The following SCHIP1 variants were observed in gnomAD, a reference collection of about 807,000 sequenced individuals.
SCHIP1 encodes the protein schwannomin interacting protein 1.
Under a neutral mutation model 29.7 loss-of-function variants are expected in SCHIP1, and 8 were observed. The observed-to-expected ratio is 0.27, with a 90% CI of 0.16 to 0.49. The LOEUF is 0.49. Ranked by LOEUF, SCHIP1 falls within the 20% of genes least tolerant of loss-of-function variation. SCHIP1 has a pLI of 0.99. For synonymous variants in SCHIP1, 76 were observed against 94.9 expected (o/e 0.80, Z 1.16); for missense variants, 193 against 294.6 (o/e 0.66, Z 2.52).
chr3:159,623,932 C>T, the SCHIP1 span, among the ~76,000 whole-genome samples: 1 of 152,178 alleles, frequency 6.6e-6, no homozygotes, highest in African/African-American at 2.4e-5. Flanking sequence ...CCTACTCCCA[C>T]TGCCTTCCAC....
the SCHIP1 span, among the ~76,000 whole-genome samples, chr3:159,775,143 A>G: frequency 4.1e-4 from 63 of 152,324 alleles, no homozygotes; most frequent in African/African-American, 1.4e-3. Flanking sequence ...AGAGGGTTTT[A>G]TTGCCCATGT....
At chr3:159,537,868 G>C in the SCHIP1 span, among the ~76,000 whole-genome samples, 1 of 151,974 alleles carries the variant, frequency 6.6e-6, no homozygotes, top group Non-Finnish European at 1.5e-5. Flanking sequence ...ATAAACAGTA[G>C]AAAAAAATAT....
At chr3:159,531,010 C>A in the SCHIP1 span, among the ~76,000 whole-genome samples, 1 of 152,202 alleles carries the variant, frequency 6.6e-6, no homozygotes, top group African/African-American at 2.4e-5. Flanking sequence ...TGCCATCATC[C>A]AGAGCCTCAT....
chr3:159,653,635 C>T, the SCHIP1 span, among the ~76,000 whole-genome samples: 1 of 151,338 alleles, frequency 6.6e-6, no homozygotes. Flanking sequence ...ATACCTAATG[C>T]ATGAAGGGCT....
chr3:159,800,585 T>G, the SCHIP1 span, among the ~76,000 whole-genome samples: 32 of 152,334 alleles, frequency 2.1e-4, no homozygotes, highest in South Asian at 5.8e-3. Flanking sequence ...GCTCTGTGGC[T>G]GCATGACAGT....
the SCHIP1 span, among the ~76,000 whole-genome samples, chr3:159,426,399 C>T: frequency 1.1e-4 from 16 of 152,222 alleles, no homozygotes; most frequent in Admixed American, 1.3e-4. Context: ...GAGAATACTA[C>T]AAACACCTCT....
At chr3:159,565,594 A>G in the SCHIP1 span, among the ~76,000 whole-genome samples, 1 of 152,180 alleles carries the variant, frequency 6.6e-6, no homozygotes, top group East Asian at 1.9e-4. Context: ...GACTGTTCTT[A>G]AATGTTTTTA....
At chr3:159,432,459 T>C in the SCHIP1 span, among the ~76,000 whole-genome samples, 3 of 152,054 alleles carry the variant, frequency 2.0e-5, no homozygotes, top group African/African-American at 7.2e-5. Flanking sequence ...TCTACTGCAT[T>C]CTGTTAGTTA....
At chr3:159,584,538 G>A in the SCHIP1 span, among the ~76,000 whole-genome samples, 6 of 152,240 alleles carry the variant, frequency 3.9e-5, no homozygotes, top group Non-Finnish European at 8.8e-5. Context: ...TTTCTAGCCG[G>A]AGTTACAGGT....
At chr3:159,345,298 GA>G in the SCHIP1 span, among the ~76,000 whole-genome samples, 21 of 150,112 alleles carry the variant, frequency 1.4e-4, no homozygotes, top group South Asian at 1.3e-3. Context: ...CCAAATACTA[GA>G]AAAAAAAATT....
the SCHIP1 span, among the ~76,000 whole-genome samples, chr3:159,648,634 C>A: frequency 6.6e-6 from 1 of 152,060 alleles, no homozygotes; most frequent in East Asian, 1.9e-4. Context: ...GCACACACAC[C>A]CCCAAATCTA....
At chr3:159,468,443 A>G in the SCHIP1 span, among the ~76,000 whole-genome samples, 5 of 152,030 alleles carry the variant, frequency 3.3e-5, no homozygotes, top group African/African-American at 1.2e-4. Context: ...ACATGCAACC[A>G]TTCACAGAGT....
the SCHIP1 span, among the ~76,000 whole-genome samples, chr3:159,549,264 T>C: frequency 1.2e-3 from 186 of 152,294 alleles, no homozygotes; most frequent in African/African-American, 4.1e-3. Flanking sequence ...GTAACTCTGG[T>C]TGTCCTTAAC....
At chr3:159,797,130 C>A in the SCHIP1 span, among the ~76,000 whole-genome samples, 1 of 152,174 alleles carries the variant, frequency 6.6e-6, no homozygotes, top group Admixed American at 6.5e-5. Context: ...GGCAACAGTA[C>A]CACTCATTTC....
the SCHIP1 span, among the ~76,000 whole-genome samples, chr3:159,671,080 C>A: frequency 0.012 from 1,779 of 152,280 alleles, 38 homozygotes; most frequent in African/African-American, 0.04. Flanking sequence ...CCTGGCCCTG[C>A]TGCTGATGAA....
chr3:159,552,032 C>CTTTTTTTTTT, the SCHIP1 span, among the ~76,000 whole-genome samples: 1 of 103,554 alleles, frequency 9.7e-6, no homozygotes, highest in Non-Finnish European at 1.9e-5. Context: ...TGCCACATTG[C>CTTTTTTTTTT]TTTTTTTTTT....
the SCHIP1 span, among the ~76,000 whole-genome samples, chr3:159,734,135 CTTTTTTTTTT>C: frequency 2.0e-5 from 2 of 100,938 alleles, 1 homozygote; most frequent in South Asian, 6.8e-4. Context: ...TTATTGTTTA[CTTTTTTTTTT>C]TTTTTTTTTT....
chr3:159,875,429 A>C (rs1453804845), intron 2 of SCHIP1, among the ~76,000 whole-genome samples: 3 of 152,222 alleles, frequency 2.0e-5, no homozygotes, highest in Non-Finnish European at 4.4e-5. Flanking sequence ...GGGAGGCAGG[A>C]AGAAAAAGAC....
chr3:159,692,196 T>C, the SCHIP1 span, among the ~76,000 whole-genome samples: 8 of 152,150 alleles, frequency 5.3e-5, no homozygotes, highest in East Asian at 9.7e-4. Flanking sequence ...CTGATGATTA[T>C]GTGTCTTGAG....
Sources: gnomAD v4.1 joint callset for allele counts (sites outside exome capture counted in the v4.1 genomes callset) on GRCh38, gnomAD v4.1.1 for gene constraint, MANE v1.5 for transcripts, NCBI Gene and HGNC (gene_info 2026-07-23, HGNC 2026-07-21) for gene names.